WDR86: variants seen among roughly 807,000 people sequenced by gnomAD.
WDR86 encodes the protein WD repeat-containing protein 86.
A neutral mutation model predicts 36.5 loss-of-function variants in WDR86; 30 were observed. That is an observed-to-expected ratio of 0.82 (90% CI 0.61 to 1.11). WDR86 has a LOEUF of 1.11. Among genes scored for constraint, WDR86 ranks in the 50% most tolerant of loss-of-function variants. The pLI, the probability that WDR86 is intolerant of heterozygous loss-of-function variation, is 0.00. For synonymous variants in WDR86, 255 were observed against 252.9 expected, an observed-to-expected ratio of 1.01 and a Z score of -0.08; for missense variants, 545 against 561.2, an observed-to-expected ratio of 0.97 and a Z score of 0.29.
downstream of WDR86, chr7:151,374,083 C>G (rs1224981097): frequency 1.2e-5 from 18 of 1,548,568 alleles, no homozygotes; most frequent in Non-Finnish European, 1.6e-5. Context: ...TGGGACTTTG[C>G]TGTTTTCCTA....
downstream of WDR86, chr7:151,373,959 G>T: frequency 7.8e-6 from 7 of 899,268 alleles, no homozygotes; most frequent in Non-Finnish European, 1.2e-5. Context: ...GTGAGGAGAG[G>T]TAGAAAGAGG....
chr7:151,408,426 G>A (rs939340186), intron 1 of WDR86: 3 of 155,978 alleles, frequency 1.9e-5, no homozygotes, highest in African/African-American at 7.2e-5. Context: ...TCAAACTCCT[G>A]ACCTCTGGTG....
chr7:151,409,604 G>A lies in WDR86; in HGVS notation c.-15C>T, dbSNP rs1403961347. The A allele has an allele frequency of 5.8e-6, 8 of 1,376,446 alleles. No individual in the cohort carries two copies. In the South Asian group the frequency reaches 1.4e-4, roughly 23 times the overall value. 85.3% of individuals were successfully genotyped at this position (1,376,446 alleles called of 1,614,324 possible). On this transcript the variant is annotated 5_prime_UTR_variant, in exon 1 of 6. Coordinates refer to ENST00000334493, the MANE Select transcript of WDR86 (RefSeq NM_198285.3). This position sits in a 1 kb window ranked among gnomAD's most constrained non-coding sequence, Gnocchi z 5.2. ...CCGCCCCCCATCCCGCTGGCAGGGCGGGGAACAAGAAGGAGCTGCGCCCCG... is the reference window on the plus strand; with the variant it reads ...CCGCCCCCCATCCCGCTGGCAGGGCAGGGAACAAGAAGGAGCTGCGCCCCG...
intron 3 of WDR86, among the ~76,000 whole-genome samples, chr7:151,393,130 C>T (rs1799555645): frequency 6.6e-6 from 1 of 152,222 alleles, no homozygotes; most frequent in Non-Finnish European, 1.5e-5. Flanking sequence ...TCTTCATACC[C>T]ATCAACATGT....
chr7:151,402,070 A>AAAAAAAATATATATATATATATATATAT, intron 1 of WDR86, among the ~76,000 whole-genome samples: 3 of 50,516 alleles, frequency 5.9e-5, no homozygotes, highest in African/African-American at 1.2e-4. Context: ...AAAAAAAAAA[A>AAAAAAAATATATATATATATATATATAT]ATATATATAT....
downstream of WDR86, among the ~76,000 whole-genome samples, chr7:151,379,070 G>A (rs1415462616): frequency 6.6e-6 from 1 of 152,236 alleles, no homozygotes; most frequent in Non-Finnish European, 1.5e-5. Flanking sequence ...TTGCAGAGGA[G>A]GGGGCCTGGG....
chr7:151,382,202 T>C (rs889703336), intron 4 of WDR86, among the ~76,000 whole-genome samples: 1 of 152,140 alleles, frequency 6.6e-6, no homozygotes, highest in Non-Finnish European at 1.5e-5. Flanking sequence ...GCCCTGCCCC[T>C]GCCCTGCTGA....
chr7:151,397,624 G>C (rs149740196), intron 2 of WDR86, among the ~76,000 whole-genome samples: 2,310 of 150,570 alleles, frequency 0.015, 101 homozygotes, highest in African/African-American at 0.052. Context: ...GGAGGAAGAG[G>C]GTGTAGCGGG....
downstream of WDR86, chr7:151,377,040 AT>A: frequency 6.5e-7 from 1 of 1,536,530 alleles, no homozygotes; most frequent in South Asian, 1.2e-5. Context: ...GCGGTATTTT[AT>A]TGTAGGAACC....
At chr7:151,377,351 G>A, downstream of WDR86, 1 of 645,064 alleles carries the variant, frequency 1.6e-6, no homozygotes, top group Non-Finnish European at 2.5e-6. Context: ...AGGAGGGGGT[G>A]GGCAGGGGAC....
In WDR86 at chr7:151,401,926, G is replaced by A. The variant is rs1306913315; in HGVS notation, c.164-1685C>T. Among the ~76,000 whole-genome samples the A allele has an allele frequency of 6.7e-6, 1 of 150,118 alleles. No homozygotes were observed. Among genetic ancestry groups the A allele is most frequent in the African/African-American group, 2.5e-5 (1 of 40,698 alleles). On this transcript the variant is annotated intron_variant, in intron 1 of 5. Coordinates refer to ENST00000334493, the MANE Select transcript of WDR86 (RefSeq NM_198285.3). The surrounding 1 kb of genome is among the most constrained non-coding windows in gnomAD (Gnocchi z 4.3). ...TAGCCGGGCGTGGTGGTGGGCGCCT[G>A]TAATCCCAGCTACTCGGGAGGCTGA...
At position 151,409,055 on chromosome 7, in the gene WDR86, T is replaced by C; in HGVS notation, c.163+372A>G. ...GGCCACAAAGAGGCCACAAGGCACC[T>C]AGAGACAAGGGAAGGTTTGCTTAGA... On this transcript the variant is annotated intron_variant, in intron 1 of 5. Coordinates refer to ENST00000334493, the MANE Select transcript of WDR86 (RefSeq NM_198285.3). The surrounding 1 kb of genome is among the most constrained non-coding windows in gnomAD (Gnocchi z 5.2). 1 of 513,934 alleles carries C rather than the reference T, an allele frequency of 1.9e-6. No homozygotes were observed. Among genetic ancestry groups the C allele is most frequent in the Non-Finnish European group, 3.9e-6 (1 of 255,576 alleles). 31.8% of individuals were successfully genotyped at this position (513,934 alleles called of 1,614,324 possible). A position where few individuals can be genotyped will look rare whatever the true frequency, so the allele number is the denominator to read the frequency against.
At chr7:151,387,287 G>A (rs1040806542) in intron 3 of WDR86, among the ~76,000 whole-genome samples, 1 of 152,160 alleles carries the variant, frequency 6.6e-6, no homozygotes, top group African/African-American at 2.4e-5. Flanking sequence ...ACCAGGGCAG[G>A]AGAGGACAAA....
At chr7:151,410,146 T>A (rs578036255), upstream of WDR86, 2 of 923,534 alleles carry the variant, frequency 2.2e-6, no homozygotes, top group Non-Finnish European at 2.6e-6. Context: ...CCTTCGTCGC[T>A]GTGCGGGTCC....
chr7:151,378,289 A>G (rs1461934289), downstream of WDR86: 1 of 152,220 alleles, frequency 6.6e-6, no homozygotes, highest in Non-Finnish European at 1.5e-5. Flanking sequence ...CCCTTCCAGA[A>G]GGCACTGACT....
At chr7:151,389,198 C>T (rs1371422084) in intron 3 of WDR86, among the ~76,000 whole-genome samples, 2 of 150,438 alleles carry the variant, frequency 1.3e-5, no homozygotes, top group Non-Finnish European at 2.9e-5. Flanking sequence ...TCAAGTGATC[C>T]GTCCACCTCA....
downstream of WDR86, among the ~76,000 whole-genome samples, chr7:151,379,417 C>T (rs567588153): frequency 5.7e-4 from 87 of 152,246 alleles, no homozygotes; most frequent in African/African-American, 2.0e-3. Flanking sequence ...ATGGGTAGCT[C>T]CTGTCCTTCC....
rs938817688 is a variant in WDR86, at chr7:151,381,856, C to G, written c.966+22G>C. On this transcript the variant is annotated intron_variant, in intron 5 of 5. Transcript: ENST00000334493. This position sits in a 1 kb window ranked among gnomAD's most constrained non-coding sequence, Gnocchi z 4.8. ...CCTTCCCTCCCACGGGCGGCGGCCC[C>G]GAGAAGGGCAGAGGGACCTACCTGG... 1.3e-5 allele frequency: 20 copies of G among 1,592,706 alleles called. No homozygotes were observed. The highest frequency in any genetic ancestry group is 1.6e-5 in the Non-Finnish European group (19 of 1,170,344).
chr7:151,402,096 C>T (rs1800387861), intron 1 of WDR86, among the ~76,000 whole-genome samples: 1 of 106,766 alleles, frequency 9.4e-6, no homozygotes, highest in African/African-American at 4.0e-5. Context: ...TATATATCTC[C>T]ACAAATGTCC....
Sources: allele counts gnomAD v4.1 joint callset (sites outside exome capture counted in the v4.1 genomes callset), GRCh38; gene constraint gnomAD v4.1.1; non-coding constraint Gnocchi (gnomAD v3.1); transcripts MANE v1.5; gene names NCBI Gene and HGNC (gene_info 2026-07-23, HGNC 2026-07-21).